Variants in PARVA observed in about 807,000 individuals in gnomAD.
PARVA encodes alpha-parvin.
In PARVA, 25 loss-of-function variants were observed where a neutral mutation model predicts 52.6. The ratio of observed to expected loss-of-function variants is 0.48; its 90% CI spans 0.35 to 0.66. The LOEUF is 0.66. PARVA is among the 30% of genes least tolerant of loss of function. The pLI, the probability that PARVA is intolerant of heterozygous loss-of-function variation, is 0.01. For synonymous variants in PARVA, 185 were observed against 179.1 expected, an observed-to-expected ratio of 1.03 and a Z score of -0.26; for missense variants, 373 against 450.9, an observed-to-expected ratio of 0.83 and a Z score of 1.56.
chr11:12,440,801 G>T (rs1263187505), intron 1 of PARVA, among the ~76,000 whole-genome samples: 1 of 152,228 alleles, frequency 6.6e-6, no homozygotes, highest in Non-Finnish European at 1.5e-5. Context: ...CAGCAACAGA[G>T]AATCACCTAC....
intron 1 of PARVA, among the ~76,000 whole-genome samples, chr11:12,460,273 G>C (rs1375283328): frequency 1.3e-5 from 2 of 152,178 alleles, no homozygotes. Flanking sequence ...TCTGCAGCCA[G>C]CTGGCTCAGG....
At chr11:12,498,029 TTATTAC>T (rs1941319949) in intron 5 of PARVA, among the ~76,000 whole-genome samples, 1 of 152,106 alleles carries the variant, frequency 6.6e-6, no homozygotes, top group African/African-American at 2.4e-5. Flanking sequence ...ACAGAGTCTT[TTATTAC>T]TATTATTATT....
chr11:12,437,296 AG>A (rs1940399359), intron 1 of PARVA, among the ~76,000 whole-genome samples: 1 of 152,224 alleles, frequency 6.6e-6, no homozygotes, highest in Admixed American at 6.5e-5. Flanking sequence ...TGCCTTTGCC[AG>A]GCATGTGCCT....
chr11:12,384,625 T>G (rs757301682), intron 1 of PARVA, among the ~76,000 whole-genome samples: 11 of 152,094 alleles, frequency 7.2e-5, no homozygotes, highest in Non-Finnish European at 1.0e-4. Context: ...AAGGGTAGAT[T>G]TGAGTCCCAA....
intron 7 of PARVA, among the ~76,000 whole-genome samples, chr11:12,510,809 C>T (rs1941494733): frequency 6.6e-6 from 1 of 152,156 alleles, no homozygotes; most frequent in Non-Finnish European, 1.5e-5. Context: ...GTCCCTCCCA[C>T]AACACGTAGG....
intron 1 of PARVA, among the ~76,000 whole-genome samples, chr11:12,384,302 T>C (rs1296749163): frequency 2.6e-5 from 4 of 152,224 alleles, no homozygotes; most frequent in African/African-American, 9.6e-5. Flanking sequence ...TGCTTGTCTT[T>C]TCTTATCTCC....
intron 1 of PARVA, among the ~76,000 whole-genome samples, chr11:12,388,470 A>G (rs975710305): frequency 3.9e-5 from 6 of 152,220 alleles, no homozygotes; most frequent in Non-Finnish European, 7.3e-5. Context: ...TTAAACAGAA[A>G]CATTCTTAAT....
intron 1 of PARVA, among the ~76,000 whole-genome samples, chr11:12,468,702 A>G (rs1392847094): frequency 6.6e-6 from 1 of 152,176 alleles, no homozygotes; most frequent in Non-Finnish European, 1.5e-5. Context: ...CAAGAACCCC[A>G]TCTTTCTATA....
chr11:12,524,105 A>G (rs1246486278), intron 12 of PARVA, among the ~76,000 whole-genome samples: 1 of 152,212 alleles, frequency 6.6e-6, no homozygotes, highest in Non-Finnish European at 1.5e-5. Context: ...TCAGTTTTCC[A>G]AGGAGCAGGG....
intron 12 of PARVA, among the ~76,000 whole-genome samples, chr11:12,518,832 T>G (rs1941604602): frequency 6.6e-6 from 1 of 152,204 alleles, no homozygotes; most frequent in Admixed American, 6.5e-5. Context: ...GGTGCTGACC[T>G]GCCAAAGAGC....
rs143621128 is a variant in PARVA at position 12,436,427 on chromosome 11, A to T, written c.137-37318A>T. Among the ~76,000 whole-genome samples, 25 of 152,298 alleles carry T rather than the reference A, an allele frequency of 1.6e-4. No homozygotes were observed. The East Asian group carries it at 4.2e-3, about 26-fold the overall frequency. On this transcript the variant is annotated intron_variant, in intron 1 of 12. Coordinates refer to ENST00000334956, the MANE Select transcript of PARVA (RefSeq NM_018222.5). ...AGTAACAGTCTCCCATCAAGGTCTCAGTGGCCTTGGGAAGTAAGAGTCCTG... is the reference window on the plus strand; with the variant it reads ...AGTAACAGTCTCCCATCAAGGTCTCTGTGGCCTTGGGAAGTAAGAGTCCTG...
At chr11:12,430,984 C>T (rs1459638040) in intron 1 of PARVA, among the ~76,000 whole-genome samples, 2 of 152,214 alleles carry the variant, frequency 1.3e-5, no homozygotes, top group African/African-American at 4.8e-5. Flanking sequence ...CAAAAACAAG[C>T]TCCTCCTGGC....
chr11:12,509,222 G>A (rs1941474147), intron 7 of PARVA, among the ~76,000 whole-genome samples: 2 of 151,806 alleles, frequency 1.3e-5, no homozygotes, highest in Non-Finnish European at 2.9e-5. Flanking sequence ...ACTGCACCCT[G>A]GCCCCATGCA....
At chr11:12,473,342 T>A (rs1304721444) in intron 1 of PARVA, among the ~76,000 whole-genome samples, 2 of 152,160 alleles carry the variant, frequency 1.3e-5, no homozygotes, top group African/African-American at 4.8e-5. Context: ...CTCAAACCCA[T>A]GACCCCATTC....
At chr11:12,492,754 G>A (rs374626835) in intron 4 of PARVA, among the ~76,000 whole-genome samples, 1 of 152,048 alleles carries the variant, frequency 6.6e-6, no homozygotes. Flanking sequence ...AAAGGGATTT[G>A]GTAAGATGAC....
intron 1 of PARVA, 42 bp downstream of exon 1, chr11:12,377,825 G>T (rs1198969544): frequency 2.8e-6 from 4 of 1,433,558 alleles, no homozygotes; most frequent in Middle Eastern, 1.9e-4. Context: ...TAGGAGCCGG[G>T]GGTGCCGTAG....
intron 1 of PARVA, among the ~76,000 whole-genome samples, chr11:12,441,034 TC>T (rs2135003834): frequency 6.6e-6 from 1 of 152,288 alleles, no homozygotes; most frequent in Non-Finnish European, 1.5e-5. Context: ...GAGCAGGAAA[TC>T]TTAAGGCACA....
In PARVA at chr11:12,494,942, C is replaced by G. The variant is rs369302463; in HGVS notation, c.401-1516C>G. ...CTTAACCTAGCATTTTGGGCAGCCT[C>G]TATCCAATGCTTGTAGTTGCAAAGT... is the stretch of plus-strand genomic sequence containing the variant. On this transcript the variant is annotated intron_variant, in intron 4 of 12. Coordinates refer to ENST00000334956, the MANE Select transcript of PARVA (RefSeq NM_018222.5). Among the ~76,000 whole-genome samples, 4 of 152,320 alleles carry G rather than the reference C, an allele frequency of 2.6e-5. No individual in the cohort carries two copies. In the East Asian group the frequency reaches 7.7e-4, roughly 29 times the overall value.
intron 4 of PARVA, among the ~76,000 whole-genome samples, chr11:12,490,217 A>T (rs1941216694): frequency 8.9e-5 from 2 of 22,562 alleles, no homozygotes; most frequent in Admixed American, 2.2e-3. Flanking sequence ...CTCAGTCTCA[A>T]AAAAAAAAAA....
Sources: allele counts gnomAD v4.1 joint callset (sites outside exome capture counted in the v4.1 genomes callset), GRCh38; gene constraint gnomAD v4.1.1; transcripts MANE v1.5; gene names NCBI Gene and HGNC (gene_info 2026-07-23, HGNC 2026-07-21).